MAMDC2: variants seen among roughly 807,000 people sequenced by gnomAD.
MAMDC2 encodes the protein MAM domain-containing protein 2.
A neutral mutation model predicts 89.8 loss-of-function variants in MAMDC2; 57 were observed. The observed-to-expected ratio is 0.63, with a 90% CI of 0.51 to 0.79. The LOEUF (loss-of-function observed/expected upper bound fraction) is 0.79, where lower values mean the gene tolerates loss of function less well. Ranked by LOEUF, MAMDC2 falls within the 30% of genes least tolerant of loss-of-function variation. MAMDC2 has a pLI of 0.00. For missense variants in MAMDC2, 800 were observed against 820.6 expected (o/e 0.97, Z 0.31); for synonymous variants, 313 against 293.4 (o/e 1.07, Z -0.68).
At chr9:70,142,051 T>C (rs2031241516) in intron 8 of MAMDC2, among the ~76,000 whole-genome samples, 1 of 152,204 alleles carries the variant, frequency 6.6e-6, no homozygotes, top group Admixed American at 6.5e-5. Context: ...ATAATCAAAA[T>C]GCCAAAGTGA....
intron 9 of MAMDC2, among the ~76,000 whole-genome samples, chr9:70,164,603 G>A (rs955337975): frequency 2.0e-5 from 3 of 151,864 alleles, no homozygotes; most frequent in African/African-American, 7.3e-5. Context: ...CCTTTCTAAG[G>A]GATATCACTT....
chr9:70,053,910 A>G (rs1826969243), intron 2 of MAMDC2, among the ~76,000 whole-genome samples: 1 of 152,128 alleles, frequency 6.6e-6, no homozygotes, highest in Admixed American at 6.6e-5. Context: ...TAGGTGTGAA[A>G]GGCAAGCAGT....
At chr9:70,136,761 A>G (rs2031027901) in intron 7 of MAMDC2, among the ~76,000 whole-genome samples, 1 of 151,984 alleles carries the variant, frequency 6.6e-6, no homozygotes, top group African/African-American at 2.4e-5. Context: ...TAGATTTGGG[A>G]TTTTTATTTG....
chr9:70,183,518 C>G (rs1037749764), intron 11 of MAMDC2, among the ~76,000 whole-genome samples: 1 of 152,180 alleles, frequency 6.6e-6, no homozygotes, highest in Admixed American at 6.5e-5. Context: ...CTTTATGAAT[C>G]TGGGTACTCC....
intron 3 of MAMDC2, among the ~76,000 whole-genome samples, 192 bp downstream of exon 3, chr9:70,108,674 TC>T (rs1237490057): frequency 6.6e-6 from 1 of 152,222 alleles, no homozygotes; most frequent in Non-Finnish European, 1.5e-5. Flanking sequence ...AAGAGCTTCT[TC>T]CCAGATTTCT....
Position 70,044,035 on chromosome 9 carries a change from T to A in MAMDC2, c.-163T>A. Reference sequence around the variant, plus strand: ...CATACCGCTCGGCTCCGGGAGCCGCTCTGCAAAGTTGGGCAGCTCAGAGCG... The same window carrying A: ...CATACCGCTCGGCTCCGGGAGCCGCACTGCAAAGTTGGGCAGCTCAGAGCG... On this transcript the variant is annotated 5_prime_UTR_variant, in exon 1 of 14. Transcript: ENST00000377182. The A allele has an allele frequency of 1.3e-6, 1 of 764,552 alleles. No homozygotes were observed. The highest frequency in any genetic ancestry group is 2.1e-6 in the Non-Finnish European group (1 of 468,898). 47.4% of individuals were successfully genotyped at this position (764,552 alleles called of 1,614,324 possible).
intron 5 of MAMDC2, among the ~76,000 whole-genome samples, chr9:70,117,092 T>C (rs759476383): frequency 3.4e-4 from 52 of 152,202 alleles, no homozygotes; most frequent in Non-Finnish European, 4.9e-4. Context: ...GGGGATTATA[T>C]AGTAAGTCCA....
At chr9:70,112,119 A>G (rs1197792668) in intron 4 of MAMDC2, among the ~76,000 whole-genome samples, 1 of 152,158 alleles carries the variant, frequency 6.6e-6, no homozygotes, top group Non-Finnish European at 1.5e-5. Flanking sequence ...CCTCTGCAGG[A>G]CCTATCAGGT....
At chr9:70,118,142 T>A (rs2030092355) in intron 5 of MAMDC2, among the ~76,000 whole-genome samples, 1 of 152,126 alleles carries the variant, frequency 6.6e-6, no homozygotes, top group Admixed American at 6.5e-5. Context: ...TATGTGATCA[T>A]GGCAGAGGAA....
chr9:70,153,892 A>G (rs535923425), intron 9 of MAMDC2: 2 of 152,322 alleles, frequency 1.3e-5, no homozygotes, highest in African/African-American at 4.8e-5. Context: ...TATTCCATTG[A>G]AAAAGAGTTC....
chr9:70,215,419 T>C (rs2033426693), intron 11 of MAMDC2, among the ~76,000 whole-genome samples: 1 of 152,240 alleles, frequency 6.6e-6, no homozygotes, highest in Non-Finnish European at 1.5e-5. Flanking sequence ...AGCATGCATC[T>C]GGATGAAACT....
At chr9:70,134,127 T>C (rs182441385) in intron 7 of MAMDC2, among the ~76,000 whole-genome samples, 1 of 152,266 alleles carries the variant, frequency 6.6e-6, no homozygotes, top group Admixed American at 6.5e-5. Flanking sequence ...TTTTCTTCCC[T>C]CATCTCCCTA....
chr9:70,217,232 T>G, intron 11 of MAMDC2: 1 of 848,028 alleles, frequency 1.2e-6, no homozygotes, highest in African/African-American at 1.7e-5. Flanking sequence ...GGGTACAAGA[T>G]CTACCCGGGA....
intron 11 of MAMDC2, among the ~76,000 whole-genome samples, chr9:70,188,086 G>A (rs994141503): frequency 6.6e-6 from 1 of 152,208 alleles, no homozygotes; most frequent in Admixed American, 6.5e-5. Flanking sequence ...CAAGTGGGAG[G>A]TGGCATCTCA....
At chr9:70,060,652 T>G (rs1437500778) in intron 2 of MAMDC2, 5 of 152,112 alleles carry the variant, frequency 3.3e-5, no homozygotes, top group African/African-American at 9.7e-5. Context: ...AGATACTAAA[T>G]TCCAAGACAC....
chr9:70,156,662 T>C (rs1228833989), intron 9 of MAMDC2, among the ~76,000 whole-genome samples: 1 of 152,204 alleles, frequency 6.6e-6, no homozygotes, highest in East Asian at 1.9e-4. Context: ...AGGAAAATTA[T>C]ACTGTCAAGT....
intron 11 of MAMDC2, among the ~76,000 whole-genome samples, chr9:70,202,495 AGGTGT>A (rs2033122851): frequency 6.6e-6 from 1 of 151,222 alleles, no homozygotes; most frequent in Non-Finnish European, 1.5e-5. Flanking sequence ...ATTTTGGAAT[AGGTGT>A]GGTGTGGTGC....
At chr9:70,171,444 G>T (rs1018487146) in intron 11 of MAMDC2, among the ~76,000 whole-genome samples, 1 of 152,034 alleles carries the variant, frequency 6.6e-6, no homozygotes, top group African/African-American at 2.4e-5. Context: ...GGGCTACAGT[G>T]AGCCATGTTC....
chr9:70,226,482 T>A lies in MAMDC2; in HGVS notation c.*450T>A, dbSNP rs2033641555. ...CGGGGTGTCAGTAATATCTGCAGAATGAATGCAGTCTTTCATGCTAATGAG... is the reference window on the plus strand; with the variant it reads ...CGGGGTGTCAGTAATATCTGCAGAAAGAATGCAGTCTTTCATGCTAATGAG... On this transcript the variant is annotated 3_prime_UTR_variant, in exon 14 of 14. Coordinates refer to ENST00000377182, the MANE Select transcript of MAMDC2 (RefSeq NM_153267.5). 6.6e-6 allele frequency: 1 copy of A among 152,620 alleles called. No individual in the cohort carries two copies. The highest frequency in any genetic ancestry group is 1.5e-5 in the Non-Finnish European group (1 of 68,030). 9.5% of individuals were successfully genotyped at this position (152,620 alleles called of 1,614,324 possible). A position where few individuals can be genotyped will look rare whatever the true frequency, so the allele number is the denominator to read the frequency against.
Sources: allele counts gnomAD v4.1 joint callset (sites outside exome capture counted in the v4.1 genomes callset), GRCh38; gene constraint gnomAD v4.1.1; transcripts MANE v1.5; gene names NCBI Gene and HGNC (gene_info 2026-07-23, HGNC 2026-07-21).